SLC6A8: variants seen among roughly 807,000 people sequenced by gnomAD.
SLC6A8 encodes sodium- and chloride-dependent creatine transporter 1.
SLC6A8 carries 6 observed loss-of-function variants against 48.3 expected under a neutral mutation model. The observed-to-expected ratio is 0.12, with a 90% confidence interval of 0.07 to 0.25. SLC6A8 has a LOEUF of 0.25. SLC6A8 is among the 10% of genes least tolerant of loss of function. The probability of loss-of-function intolerance (pLI) is 1.00; values close to 1 mark genes in which losing one functional copy is unlikely to be tolerated. For missense variants in SLC6A8, 260 were observed against 551.5 expected (o/e 0.47, Z 5.29); for synonymous variants, 245 against 244.0 (o/e 1.00, Z -0.04).
Position 153,688,601 on chromosome X carries a change from C to T in SLC6A8, c.27C>T (p.Gly9=). The stretch of plus-strand genomic sequence containing the variant: ...TGGCGAAGAAGAGCGCCGAGAACGG[C>T]ATCTATAGCGTGTCCGGCGACGAGA... MAKKSAEN[G]IYSVSGDEKK... is the part of the protein sequence containing the mutation. The change falls in exon 1 of 13, where the codon GGC becomes GGT. Residue 9 remains glycine, a synonymous_variant. Transcript: ENST00000253122. 1 of 1,068,549 alleles carries T rather than the reference C, an allele frequency of 9.4e-7. No individual in the cohort carries two copies. The highest frequency in any genetic ancestry group is 1.2e-6 in the Non-Finnish European group (1 of 821,253). 88.1% of individuals were successfully genotyped at this position (1,068,549 alleles called of 1,213,427 possible).
At chrX:153,690,677 G>A (rs41299114) in intron 2 of SLC6A8, 171 bp downstream of exon 2, 8 of 523,440 alleles carry the variant, frequency 1.5e-5, no homozygotes, top group African/African-American at 6.9e-5. Context: ...TTGGGGAAGC[G>A]GGGACTAGAG....
At chrX:153,691,172 T>A (rs1557044384) in intron 2 of SLC6A8, 132 bp from the exon 3 acceptor site, 16 of 732,617 alleles carry the variant, frequency 2.2e-5, no homozygotes, top group Non-Finnish European at 3.1e-5. Context: ...CCCAGGGGAG[T>A]CAGGAGCACC....
rs373124777 is a variant in SLC6A8, at chrX:153,693,592, G to A, written c.1141+6G>A. On this transcript the variant is annotated splice_donor_region_variant and intron_variant, in intron 7 of 12. Transcript: ENST00000253122. ...CTCCAAGGTGGCAGAGTCAGGTAGGGCCCTACCCCCAGCCCCGCCTCCAGA... is the reference window on the plus strand; with the variant it reads ...CTCCAAGGTGGCAGAGTCAGGTAGGACCCTACCCCCAGCCCCGCCTCCAGA... The A allele has an allele frequency of 6.1e-5, 74 of 1,208,426 alleles. No homozygotes were observed. Among genetic ancestry groups the A allele is most frequent in the Non-Finnish European group, 7.4e-5 (66 of 893,994 alleles).
Position 153,696,445 on chromosome X carries a change from T to C in SLC6A8, c.*1231T>C. The C allele has an allele frequency of 6.0e-6, 2 of 331,686 alleles. No homozygotes were observed. The highest frequency in any genetic ancestry group is 1.2e-5 in the Non-Finnish European group (2 of 170,057). The allele number at this position is 331,686 out of a possible 1,213,427, so 27.3% of individuals were successfully genotyped here. On this transcript the variant is annotated 3_prime_UTR_variant, in exon 13 of 13. Transcript: ENST00000253122. The stretch of plus-strand genomic sequence containing the variant: ...CTGTCACGTCCAGTCCCGAGACGGC[T>C]GAGTGACCCCAAGAAAGGCTTCCCC...
rs1557045247 is a variant in SLC6A8, at chrX:153,693,900, C to A, written c.1142-5C>A. ...CAAGGTCTAGAGCCTGCACCTTTCC[C>A]ACAGGGCCGGGCCTGGCCTTCATCG... On this transcript the variant is annotated splice_region_variant and splice_polypyrimidine_tract_variant and intron_variant, in intron 7 of 12. Coordinates refer to ENST00000253122, the MANE Select transcript of SLC6A8 (RefSeq NM_005629.4). 1.9e-5 allele frequency: 22 copies of A among 1,154,125 alleles called. No homozygotes were observed. Among genetic ancestry groups the A allele is most frequent in the Non-Finnish European group, 2.6e-5 (22 of 861,723 alleles).
Position 153,695,213 on chromosome X carries a change from G to A in SLC6A8, c.1907G>A (p.Ter636=), listed in dbSNP as rs1557045889. The change falls in exon 13 of 13, where the codon TGA becomes TAA. Residue 636 remains the stop codon, a stop_retained_variant. Coordinates refer to ENST00000253122, the MANE Select transcript of SLC6A8 (RefSeq NM_005629.4). ...GTCGTCGTGGTGGAGAGTGTCATGTGACAACTCAGCTCACATCACCAGCTC... is the reference window on the plus strand; with the variant it reads ...GTCGTCGTGGTGGAGAGTGTCATGTAACAACTCAGCTCACATCACCAGCTC... ...SKVVVVESVM[*] is the part of the protein sequence containing the mutation. The A allele has an allele frequency of 5.9e-6, 7 of 1,180,106 alleles. No individual in the cohort carries two copies. The highest frequency in any genetic ancestry group is 1.8e-5 in the African/African-American group (1 of 56,223).
chrX:153,690,892 A>ACCCCC lies in SLC6A8; in HGVS notation c.394+394_394+398dup, dbSNP rs34305716. On this transcript the variant is annotated intron_variant, in intron 2 of 12. Coordinates refer to ENST00000253122, the MANE Select transcript of SLC6A8 (RefSeq NM_005629.4). ...CCAACACTACCTCAGGCGACTAGAA[A>ACCCCC]CCCCCCCCCCCCACCACCACCATCA... 113 of 168,378 alleles carry ACCCCC rather than the reference A, an allele frequency of 6.7e-4. 4 individuals carry two copies. The highest frequency in any genetic ancestry group is 4.2e-3 in the African/African-American group (80 of 18,857). 13.9% of individuals were successfully genotyped at this position (168,378 alleles called of 1,213,427 possible).
In SLC6A8 at chrX:153,695,293, G is replaced by T; in HGVS notation, c.*79G>T. On this transcript the variant is annotated 3_prime_UTR_variant, in exon 13 of 13. Coordinates refer to ENST00000253122, the MANE Select transcript of SLC6A8 (RefSeq NM_005629.4). ...CAGCCCCACCGCACCCCTCCAGGGG[G>T]CCTGCCTTTCCCTGACACTTTTGGG... is the stretch of plus-strand genomic sequence containing the variant. 1 of 1,049,636 alleles carries T rather than the reference G, an allele frequency of 9.5e-7. No individual in the cohort carries two copies. Among genetic ancestry groups the T allele is most frequent in the Non-Finnish European group, 1.3e-6 (1 of 766,322 alleles). The allele number at this position is 1,049,636 out of a possible 1,213,427, so 86.5% of individuals were successfully genotyped here.
At chrX:153,694,063 G>A (rs2091473476) in intron 8 of SLC6A8, 46 bp downstream of exon 8, 1 of 1,193,541 alleles carries the variant, frequency 8.4e-7, no homozygotes, top group Non-Finnish European at 1.1e-6. Flanking sequence ...GGGGCGGAGG[G>A]AGGGCTGCAG....
Position 153,696,114 on chromosome X carries a change from CGT to C in SLC6A8, c.*906_*907del. On this transcript the variant is annotated 3_prime_UTR_variant, in exon 13 of 13. Transcript: ENST00000253122. The stretch of plus-strand genomic sequence containing the variant: ...GCAAAACAAAAGCTTCGAGCTGTTG[CGT>C]GTGTGAGTCTGTTGTGTGGATGTGC... The C allele has an allele frequency of 4.9e-6, 1 of 203,288 alleles. No homozygotes were observed. The highest frequency in any genetic ancestry group is 9.2e-6 in the Non-Finnish European group (1 of 108,757). 16.8% of individuals were successfully genotyped at this position (203,288 alleles called of 1,213,427 possible). A position where few individuals can be genotyped will look rare whatever the true frequency, so the allele number is the denominator to read the frequency against.
At position 153,693,498 on chromosome X, in the gene SLC6A8, C is replaced by G. The variant is rs1557045138; in HGVS notation, c.1053C>G (p.Thr351=). Residue 351 remains threonine, a synonymous_variant, in exon 7 of 13, where the codon ACC becomes ACG. Transcript: ENST00000253122. ...AIILALINSG[T]SFFAGFVVFS... is the part of the protein sequence containing the mutation. ...TCCTGGCTCTCATCAACAGTGGGAC[C>G]AGCTTCTTTGCTGGCTTCGTGGTCT... 4.1e-6 allele frequency: 5 copies of G among 1,209,166 alleles called. No individual in the cohort carries two copies. Among genetic ancestry groups the G allele is most frequent in the Non-Finnish European group, 5.6e-6 (5 of 894,279 alleles).
In SLC6A8 at chrX:153,695,278, G is replaced by C. The variant is rs3861556; in HGVS notation, c.*64G>C. 9.1e-7 allele frequency: 1 copy of C among 1,100,445 alleles called. No homozygotes were observed. The highest frequency in any genetic ancestry group is 1.8e-5 in the African/African-American group (1 of 54,591). The allele number at this position is 1,100,445 out of a possible 1,213,427, so 90.7% of individuals were successfully genotyped here. A position where few individuals can be genotyped will look rare whatever the true frequency, so the allele number is the denominator to read the frequency against. On this transcript the variant is annotated 3_prime_UTR_variant, in exon 13 of 13. Coordinates refer to ENST00000253122, the MANE Select transcript of SLC6A8 (RefSeq NM_005629.4). ...TAGCAGCCCCTGCTTCAGCCCCACC[G>C]CACCCCTCCAGGGGGCCTGCCTTTC...
chrX:153,692,820 G>A lies in SLC6A8; in HGVS notation c.778-221G>A, dbSNP rs782227944. 322 of 495,557 alleles carry A rather than the reference G, an allele frequency of 6.5e-4. 1 individual carries two copies. The highest frequency in any genetic ancestry group is 6.7e-4 in the Middle Eastern group (2 of 3,007). The allele number at this position is 495,557 out of a possible 1,213,427, so 40.8% of individuals were successfully genotyped here. ...GCTCGCCTGCTCCCCACCGACACGC[G>A]TCCCTGCAGACAAACGAGGCGCCCA... On this transcript the variant is annotated intron_variant, in intron 4 of 12. Coordinates refer to ENST00000253122, the MANE Select transcript of SLC6A8 (RefSeq NM_005629.4).
At position 153,688,623 on chromosome X, in the gene SLC6A8, G is replaced by C. The variant is rs1557043767; in HGVS notation, c.49G>C (p.Glu17Gln). 2.8e-6 allele frequency: 3 copies of C among 1,078,365 alleles called. No homozygotes were observed. The highest frequency in any genetic ancestry group is 3.6e-4 in the Middle Eastern group (1 of 2,800). 88.9% of individuals were successfully genotyped at this position (1,078,365 alleles called of 1,213,427 possible). A position where few individuals can be genotyped will look rare whatever the true frequency, so the allele number is the denominator to read the frequency against. ...ENGIYSVSGD[E>Q]KKGPLIAPGP... ...CGGCATCTATAGCGTGTCCGGCGAC[G>C]AGAAGAAGGGCCCCCTCATCGCGCC... is the stretch of plus-strand genomic sequence containing the variant. The change falls in exon 1 of 13, where the codon GAG becomes CAG. Residue 17 changes from glutamate (E) to glutamine (Q), a missense_variant. Glu to Gln is a conservative substitution (Grantham distance 29). Coordinates refer to ENST00000253122, the MANE Select transcript of SLC6A8 (RefSeq NM_005629.4).
intron 3 of SLC6A8, among the ~76,000 whole-genome samples, chrX:153,691,761 CCT>C (rs1476559467): frequency 8.9e-6 from 1 of 112,978 alleles, no homozygotes; most frequent in Non-Finnish European, 1.9e-5. Flanking sequence ...GTCACTCCCC[CCT>C]GATGGGGGAG....
chrX:153,694,749 G>A lies in SLC6A8; in HGVS notation c.1627G>A (p.Glu543Lys), dbSNP rs782028471. Residue 543 changes from glutamate (E) to lysine (K), a missense_variant, in exon 12 of 13, where the codon GAG becomes AAG. This residue lies in a region of SLC6A8 where 87 missense variants were observed against 120.9 expected (regional missense o/e 0.72). Coordinates refer to ENST00000253122, the MANE Select transcript of SLC6A8 (RefSeq NM_005629.4). ...GIFIFNVVYY[E>K]PLVYNNTYVY... is the part of the protein sequence containing the mutation. Reference sequence around the variant, plus strand: ...CTTCATCTTCAACGTTGTGTACTACGAGCCGCTGGTCTACAACAACACCTA... The same window carrying A: ...CTTCATCTTCAACGTTGTGTACTACAAGCCGCTGGTCTACAACAACACCTA... The A allele has an allele frequency of 2.7e-5, 33 of 1,209,700 alleles. No homozygotes were observed. Among genetic ancestry groups the A allele is most frequent in the African/African-American group, 3.5e-5 (2 of 57,372 alleles).
chrX:153,692,910 G>A (rs1557044878), intron 4 of SLC6A8, 131 bp from the exon 5 acceptor site: 1 of 892,451 alleles, frequency 1.1e-6, no homozygotes, highest in East Asian at 3.3e-5. Flanking sequence ...GCTTCCTCTG[G>A]CGGGAGCCAT....
Position 153,690,656 on chromosome X carries a change from G to A in SLC6A8, c.394+150G>A. The A allele has an allele frequency of 9.3e-6, 6 of 647,874 alleles. No individual in the cohort carries two copies. The East Asian group carries it at 1.1e-4, about 12-fold the overall frequency. 53.4% of individuals were successfully genotyped at this position (647,874 alleles called of 1,213,427 possible). ...GGAGCCTGGAGGAGATGTTCAGGCC[G>A]CACAGCGAACTTGGGGAAGCGGGGA... On this transcript the variant is annotated intron_variant, in intron 2 of 12. Transcript: ENST00000253122.
chrX:153,689,787 A>ACT (rs1355200636), intron 1 of SLC6A8, among the ~76,000 whole-genome samples: 2 of 108,597 alleles, frequency 1.8e-5, no homozygotes, highest in Non-Finnish European at 3.8e-5. Flanking sequence ...GCAGAGCCTG[A>ACT]CTCCCTGGCC....
Sources: allele counts gnomAD v4.1 joint callset (sites outside exome capture counted in the v4.1 genomes callset), GRCh38; gene constraint gnomAD v4.1.1; regional missense constraint gnomAD v4.1.1; transcripts MANE v1.5; gene names NCBI Gene and HGNC (gene_info 2026-07-23, HGNC 2026-07-21).